Variants in NRXN3 observed in about 807,000 individuals in gnomAD.
NRXN3 encodes the protein neurexin III.
A neutral mutation model predicts 137.6 loss-of-function variants in NRXN3; 32 were observed. That is an observed-to-expected ratio of 0.23 (90% CI 0.18 to 0.31). The LOEUF (loss-of-function observed/expected upper bound fraction) is 0.31, where lower values mean the gene tolerates loss of function less well. Among genes scored for constraint, NRXN3 ranks in the 10% least tolerant of loss-of-function variants. The probability of loss-of-function intolerance (pLI) is 1.00; values close to 1 mark genes in which losing one functional copy is unlikely to be tolerated. For synonymous variants in NRXN3, 798 were observed against 784.5 expected (o/e 1.02, Z -0.29); for missense variants, 1,574 against 2,062.5 (o/e 0.76, Z 4.59).
chr14:78,606,212 G>A (rs1277601875), intron 4 of NRXN3, among the ~76,000 whole-genome samples: 1 of 152,166 alleles, frequency 6.6e-6, no homozygotes, highest in East Asian at 1.9e-4. Flanking sequence ...TCTAAAAATG[G>A]ATTTGTGCTA....
At chr14:78,521,379 C>A (rs956232042) in intron 4 of NRXN3, among the ~76,000 whole-genome samples, 3 of 152,146 alleles carry the variant, frequency 2.0e-5, no homozygotes, top group African/African-American at 7.2e-5. Flanking sequence ...ACATTTAATG[C>A]GGGCCATTTA....
At chr14:79,197,791 T>G (rs1166019804) in intron 15 of NRXN3, among the ~76,000 whole-genome samples, 2 of 152,164 alleles carry the variant, frequency 1.3e-5, no homozygotes. Context: ...GAGTCTTCCT[T>G]TCATGAAAGA....
intron 2 of NRXN3, among the ~76,000 whole-genome samples, chr14:78,250,865 G>T (rs1567080397): frequency 6.6e-6 from 1 of 152,204 alleles, no homozygotes; most frequent in Non-Finnish European, 1.5e-5. Flanking sequence ...CTCCCTGGAT[G>T]CGGATGATAA....
At chr14:79,670,592 A>G (rs2098601900) in intron 17 of NRXN3, among the ~76,000 whole-genome samples, 1 of 152,142 alleles carries the variant, frequency 6.6e-6, no homozygotes, top group Non-Finnish European at 1.5e-5. Flanking sequence ...TTTCCTAAAC[A>G]CACATGGCAA....
intron 4 of NRXN3, among the ~76,000 whole-genome samples, chr14:78,543,528 C>G (rs1371488441): frequency 6.6e-6 from 1 of 151,948 alleles, no homozygotes; most frequent in African/African-American, 2.4e-5. Context: ...AGAACTCACC[C>G]TTAAATAAGC....
In NRXN3 at chr14:79,364,424, T is replaced by A. The variant is rs558082569; in HGVS notation, c.3263-102797T>A. On this transcript the variant is annotated intron_variant, in intron 15 of 20. Coordinates refer to ENST00000335750, the MANE Select transcript of NRXN3 (RefSeq NM_001330195.2). ...CATTCACTTCGAAGTATGGGATGCT[T>A]CCCATGTGCAGGAGAATTAGCTCAT... is the stretch of plus-strand genomic sequence containing the variant. 8.5e-5 allele frequency among the ~76,000 whole-genome samples: 13 copies of A among 152,324 alleles called. No homozygotes were observed. The South Asian group carries it at 2.7e-3, about 32-fold the overall frequency.
chr14:78,422,362 G>GT (rs2093481780), intron 4 of NRXN3, among the ~76,000 whole-genome samples: 1 of 152,200 alleles, frequency 6.6e-6, no homozygotes, highest in African/African-American at 2.4e-5. Flanking sequence ...TGAATGGTCT[G>GT]TTTCGTCACT....
intron 8 of NRXN3, among the ~76,000 whole-genome samples, chr14:78,780,629 A>G (rs891961223): frequency 1.5e-4 from 23 of 152,202 alleles, no homozygotes; most frequent in African/African-American, 5.1e-4. Context: ...CCAATGAAAA[A>G]TGAGCAAAGG....
At chr14:79,551,103 A>C (rs1228768038) in intron 16 of NRXN3, among the ~76,000 whole-genome samples, 1 of 152,208 alleles carries the variant, frequency 6.6e-6, no homozygotes, top group Non-Finnish European at 1.5e-5. Flanking sequence ...TAGCTATGAA[A>C]TGTTCTCAAT....
At chr14:79,239,059 C>G (rs764638596) in intron 15 of NRXN3, among the ~76,000 whole-genome samples, 71 of 152,120 alleles carry the variant, frequency 4.7e-4, no homozygotes, top group Non-Finnish European at 6.8e-4. Flanking sequence ...AGCACCAAAC[C>G]CTATATATAC....
At chr14:78,837,558 C>G (rs1358446016) in intron 10 of NRXN3, among the ~76,000 whole-genome samples, 1 of 150,624 alleles carries the variant, frequency 6.6e-6, no homozygotes, top group Non-Finnish European at 1.5e-5. Flanking sequence ...TGGTACTTTT[C>G]TCTGATCCTT....
intron 16 of NRXN3, among the ~76,000 whole-genome samples, chr14:79,547,694 G>T (rs568494885): frequency 6.6e-6 from 1 of 152,278 alleles, no homozygotes; most frequent in East Asian, 1.9e-4. Flanking sequence ...CAGTAAGGAG[G>T]TTGGGGAGCT....
At chr14:78,438,725 A>C (rs1236345494) in intron 4 of NRXN3, among the ~76,000 whole-genome samples, 1 of 152,006 alleles carries the variant, frequency 6.6e-6, no homozygotes, top group Non-Finnish European at 1.5e-5. Flanking sequence ...GGACAATAAC[A>C]CTCGAGGGCT....
chr14:78,362,670 C>T (rs1367924168), intron 4 of NRXN3, among the ~76,000 whole-genome samples: 1 of 152,106 alleles, frequency 6.6e-6, no homozygotes, highest in Non-Finnish European at 1.5e-5. Context: ...TTGCATAAAT[C>T]TATAAGAATT....
At chr14:79,192,260 T>C (rs1007048060) in intron 15 of NRXN3, among the ~76,000 whole-genome samples, 3 of 152,170 alleles carry the variant, frequency 2.0e-5, no homozygotes, top group Admixed American at 6.5e-5. Context: ...CTGTAAAATA[T>C]GATAATAGTA....
At chr14:79,022,738 G>GC (rs1402619777) in intron 15 of NRXN3, among the ~76,000 whole-genome samples, 1 of 152,110 alleles carries the variant, frequency 6.6e-6, no homozygotes, top group East Asian at 1.9e-4. Context: ...CTCTTCTTCA[G>GC]CTACTTGGAG....
chr14:78,812,287 A>C (rs2098916446), intron 10 of NRXN3, among the ~76,000 whole-genome samples: 1 of 152,182 alleles, frequency 6.6e-6, no homozygotes, highest in Admixed American at 6.5e-5. Context: ...AAATTGTTAT[A>C]TAGTCATTGT....
rs1238736493 is a variant in NRXN3, at chr14:79,740,708, TTTTTTATATATATATATA to T, written c.4014+42773_4014+42790del. Among the ~76,000 whole-genome samples, 204 of 35,162 alleles carry T rather than the reference TTTTTTATATATATATATA, an allele frequency of 5.8e-3. 11 individuals are homozygous for T. Among genetic ancestry groups the T allele is most frequent in the African/African-American group, 0.024 (194 of 7,936 alleles). The allele number at this position is 35,162 out of a possible 152,430, so 23.1% of individuals were successfully genotyped here. ...CCTTTCCACTGGACTTTGCATTTAG[TTTTTTATATATATATATA>T]TATATATATATATATATATATATAT... On this transcript the variant is annotated intron_variant, in intron 19 of 20. Coordinates refer to ENST00000335750, the MANE Select transcript of NRXN3 (RefSeq NM_001330195.2).
At position 78,543,245 on chromosome 14, in the gene NRXN3, A is replaced by G. The variant is rs115383820; in HGVS notation, c.758-101875A>G. Among the ~76,000 whole-genome samples, 513 of 152,286 alleles carry G rather than the reference A, an allele frequency of 3.4e-3. 3 individuals are homozygous for G. The highest frequency in any genetic ancestry group is 0.012 in the African/African-American group (487 of 41,562). On this transcript the variant is annotated intron_variant, in intron 4 of 20. Coordinates refer to ENST00000335750, the MANE Select transcript of NRXN3 (RefSeq NM_001330195.2). Reference sequence around the variant, plus strand: ...TAAATTTGTATGAATTGATGCATTCATGATCTGAGATCATAAATGAAGTCC... The same window carrying G: ...TAAATTTGTATGAATTGATGCATTCGTGATCTGAGATCATAAATGAAGTCC...
Sources: gnomAD v4.1 joint callset for allele counts (sites outside exome capture counted in the v4.1 genomes callset) on GRCh38, gnomAD v4.1.1 for gene constraint, MANE v1.5 for transcripts, NCBI Gene and HGNC (gene_info 2026-07-23, HGNC 2026-07-21) for gene names.